Variants in ANKMY2 observed in about 807,000 individuals in gnomAD.
The protein encoded by ANKMY2 is ankyrin repeat and MYND domain-containing protein 2.
A neutral mutation model predicts 50.4 loss-of-function variants in ANKMY2; 36 were observed. The ratio of observed to expected loss-of-function variants is 0.71; its 90% CI spans 0.55 to 0.94. The LOEUF (loss-of-function observed/expected upper bound fraction) is 0.94, where lower values mean the gene tolerates loss of function less well. ANKMY2 is among the 40% of genes least tolerant of loss of function. ANKMY2 has a pLI of 0.00. For synonymous variants in ANKMY2, 187 were observed against 178.8 expected, an observed-to-expected ratio of 1.05 and a Z score of -0.36; for missense variants, 565 against 524.0, an observed-to-expected ratio of 1.08 and a Z score of -0.76.
At chr7:16,618,517 C>T (rs1248557051) in intron 4 of ANKMY2, among the ~76,000 whole-genome samples, 3 of 152,030 alleles carry the variant, frequency 2.0e-5, no homozygotes, top group Non-Finnish European at 4.4e-5. Flanking sequence ...GATCACAATA[C>T]CATTTTTGGT....
At chr7:16,627,792 T>C (rs1228471940) in intron 2 of ANKMY2, among the ~76,000 whole-genome samples, 1 of 151,864 alleles carries the variant, frequency 6.6e-6, no homozygotes, top group East Asian at 1.9e-4. Flanking sequence ...TGTATAAATA[T>C]AGAGAAATGG....
intron 2 of ANKMY2, among the ~76,000 whole-genome samples, chr7:16,628,840 A>G (rs1328975719): frequency 6.6e-6 from 1 of 152,152 alleles, no homozygotes; most frequent in Non-Finnish European, 1.5e-5. Flanking sequence ...CAGCAATCCA[A>G]CCTACAACAA....
At chr7:16,628,998 G>C (rs1781542609) in intron 2 of ANKMY2, among the ~76,000 whole-genome samples, 1 of 152,134 alleles carries the variant, frequency 6.6e-6, no homozygotes. Flanking sequence ...GAGCAAAAGA[G>C]ATATGCAAAA....
Position 16,645,723 on chromosome 7 carries a change from C to T in ANKMY2, c.-150G>A. On this transcript the variant is annotated 5_prime_UTR_variant, in exon 1 of 10. Coordinates refer to ENST00000306999, the MANE Select transcript of ANKMY2 (RefSeq NM_020319.3). Reference sequence around the variant, plus strand: ...CGGAAACGCTTCGCTTCTCTCCTCCCTCCCGCGGGCTGGCGGACAGCGGGC... The same window carrying T: ...CGGAAACGCTTCGCTTCTCTCCTCCTTCCCGCGGGCTGGCGGACAGCGGGC... The T allele has an allele frequency of 1.2e-6, 1 of 849,214 alleles. No individual in the cohort carries two copies. Among genetic ancestry groups the T allele is most frequent in the Non-Finnish European group, 1.7e-6 (1 of 589,388 alleles). 52.6% of individuals were successfully genotyped at this position (849,214 alleles called of 1,614,324 possible).
At chr7:16,601,143 G>A (rs1320420348) in intron 9 of ANKMY2, among the ~76,000 whole-genome samples, 198 bp from the exon 10 acceptor site, 1 of 152,186 alleles carries the variant, frequency 6.6e-6, no homozygotes. Flanking sequence ...TTCCTGGCTA[G>A]TGAAACAGCA....
intron 4 of ANKMY2, among the ~76,000 whole-genome samples, chr7:16,619,825 A>G (rs1562772778): frequency 6.6e-6 from 1 of 152,350 alleles, no homozygotes; most frequent in East Asian, 1.9e-4. Flanking sequence ...TGTGATTAAT[A>G]GGAACACACA....
intron 2 of ANKMY2, among the ~76,000 whole-genome samples, chr7:16,636,031 C>T (rs972421007): frequency 3.3e-5 from 5 of 151,886 alleles, no homozygotes; most frequent in Non-Finnish European, 7.4e-5. Context: ...GAAGGCTGAG[C>T]GTGGTGGCTC....
At chr7:16,605,180 A>T (rs1352183348) in intron 7 of ANKMY2, among the ~76,000 whole-genome samples, 3 of 152,156 alleles carry the variant, frequency 2.0e-5, no homozygotes, top group Admixed American at 1.3e-4. Context: ...CCAGAGCAGA[A>T]TTTTTTTCTG....
At chr7:16,604,227 A>G (rs1466512234) in intron 8 of ANKMY2, among the ~76,000 whole-genome samples, 1 of 152,240 alleles carries the variant, frequency 6.6e-6, no homozygotes, top group Non-Finnish European at 1.5e-5. Flanking sequence ...GCCTTTTACA[A>G]AGATAATTCT....
intron 2 of ANKMY2, among the ~76,000 whole-genome samples, chr7:16,633,832 G>A (rs981562419): frequency 1.7e-4 from 26 of 151,982 alleles, no homozygotes; most frequent in African/African-American, 6.0e-4. Flanking sequence ...TCTAAAAGGT[G>A]CTATTGCGAT....
Position 16,602,392 on chromosome 7 carries a change from G to A in ANKMY2, c.1129C>T (p.Gln377Ter). The change falls in exon 9 of 10, where the codon CAA (glutamine) becomes TAA (stop). Residue 377 changes from glutamine (Q) to a stop codon, truncating the protein, a stop_gained. Coordinates refer to ENST00000306999, the MANE Select transcript of ANKMY2 (RefSeq NM_020319.3). LOFTEE classifies it high-confidence loss of function. ...QQLEAAKEKRQEENHGKLDVN... is the reference protein window; with the variant it reads ...QQLEAAKEKR Reference sequence around the variant, plus strand: ...TTTATATACATACGGTTTTCCTCTTGTCTCTTTTCTTTGGCAGCCTCCAAC... The same window carrying A: ...TTTATATACATACGGTTTTCCTCTTATCTCTTTTCTTTGGCAGCCTCCAAC... 1 of 1,612,506 alleles carries A rather than the reference G, an allele frequency of 6.2e-7. No homozygotes were observed. The highest frequency in any genetic ancestry group is 8.5e-7 in the Non-Finnish European group (1 of 1,179,684).
chr7:16,644,724 C>G, intron 1 of ANKMY2: 1 of 471,082 alleles, frequency 2.1e-6, no homozygotes, highest in Non-Finnish European at 4.4e-6. Context: ...TCCTCTGGGA[C>G]GTCCACTCGG....
chr7:16,638,533 C>A (rs1781700611), intron 1 of ANKMY2, among the ~76,000 whole-genome samples: 1 of 152,218 alleles, frequency 6.6e-6, no homozygotes, highest in South Asian at 2.1e-4. Flanking sequence ...CAAGAACTTC[C>A]ACGAGTTCAG....
chr7:16,629,526 ACT>A (rs1224040530), intron 2 of ANKMY2, among the ~76,000 whole-genome samples: 2 of 151,514 alleles, frequency 1.3e-5, no homozygotes, highest in African/African-American at 2.4e-5. Context: ...ACAGAGTGAG[ACT>A]CTGTCTCAAA....
chr7:16,602,636 G>T, intron 8 of ANKMY2, 127 bp from the exon 9 acceptor site: 1 of 1,219,222 alleles, frequency 8.2e-7, no homozygotes, highest in Non-Finnish European at 1.1e-6. Context: ...ACCATAATAT[G>T]TGGTTGATAT....
chr7:16,644,877 G>T, intron 1 of ANKMY2: 2 of 357,064 alleles, frequency 5.6e-6, no homozygotes, highest in Non-Finnish European at 1.1e-5. Flanking sequence ...TGCAACGTGG[G>T]CCGAGGGGTG....
At chr7:16,600,992 C>T (rs1238629855) in intron 9 of ANKMY2, 47 bp from the exon 10 acceptor site, 2 of 1,454,264 alleles carry the variant, frequency 1.4e-6, no homozygotes, top group African/African-American at 1.4e-5. Context: ...ATGTGTCAGA[C>T]ACTCTTCTCA....
intron 1 of ANKMY2, among the ~76,000 whole-genome samples, chr7:16,640,144 C>G (rs756594617): frequency 1.3e-5 from 2 of 151,760 alleles, no homozygotes; most frequent in Non-Finnish European, 2.9e-5. Context: ...CCAGCTTGGG[C>G]GACAAGAGCG....
chr7:16,633,702 T>C (rs180749055), intron 2 of ANKMY2, among the ~76,000 whole-genome samples: 2 of 152,326 alleles, frequency 1.3e-5, no homozygotes, highest in Admixed American at 1.3e-4. Flanking sequence ...TTTTTATCAA[T>C]GTTACATGTA....
Sources: allele counts gnomAD v4.1 joint callset (sites outside exome capture counted in the v4.1 genomes callset), GRCh38; gene constraint gnomAD v4.1.1; transcripts MANE v1.5; gene names NCBI Gene and HGNC (gene_info 2026-07-23, HGNC 2026-07-21).